Variants in GRID1 observed in about 807,000 individuals in gnomAD.
The protein encoded by GRID1 is glutamate ionotropic receptor delta type subunit 1.
Under a neutral mutation model 98.0 loss-of-function variants are expected in GRID1, and 28 were observed. The ratio of observed to expected loss-of-function variants is 0.29; its 90% CI spans 0.21 to 0.39. The LOEUF (loss-of-function observed/expected upper bound fraction) is 0.39. Ranked by LOEUF, GRID1 falls within the 10% of genes least tolerant of loss-of-function variation. GRID1 has a pLI of 1.00. For synonymous variants in GRID1, 553 were observed against 538.5 expected, an observed-to-expected ratio of 1.03 and a Z score of -0.37; for missense variants, 1,111 against 1,340.5, an observed-to-expected ratio of 0.83 and a Z score of 2.67.
intron 15 of GRID1, chr10:85,605,376 C>T (rs185877862): frequency 2.0e-5 from 3 of 152,168 alleles, no homozygotes; most frequent in Non-Finnish European, 4.4e-5. Flanking sequence ...AATAAGATAA[C>T]CTTCTCTCTT....
rs531222159 is a variant in GRID1, at chr10:85,815,651, T to C, written c.1233+38845A>G. On this transcript the variant is annotated intron_variant, in intron 8 of 15. Transcript: ENST00000327946. ...ATAAAACATAAAGAGAAAAATCTTC[T>C]TGAACTTAGGTTTCTAGAAGGTTTA... Among the ~76,000 whole-genome samples the C allele has an allele frequency of 2.6e-5, 4 of 152,124 alleles. No homozygotes were observed. In the South Asian group the frequency reaches 6.2e-4, roughly 24 times the overall value.
At chr10:85,613,090 A>C (rs1842751581) in intron 15 of GRID1, 1 of 351,334 alleles carries the variant, frequency 2.8e-6, no homozygotes, top group African/African-American at 2.1e-5. Flanking sequence ...GGGTGGAGGC[A>C]CATGGGCGGG....
chr10:85,747,074 G>A (rs1842004309), intron 8 of GRID1, among the ~76,000 whole-genome samples: 1 of 152,126 alleles, frequency 6.6e-6, no homozygotes. Context: ...CACTTTGTGA[G>A]TTAAACAGAA....
chr10:86,213,498 C>T (rs564419881), intron 2 of GRID1, among the ~76,000 whole-genome samples: 2 of 152,228 alleles, frequency 1.3e-5, no homozygotes, highest in East Asian at 1.9e-4. Context: ...AGCTCCACAC[C>T]TCCCTGTCTG....
intron 13 of GRID1, among the ~76,000 whole-genome samples, chr10:85,622,638 C>A (rs996171688): frequency 5.9e-5 from 9 of 152,254 alleles, no homozygotes; most frequent in Middle Eastern, 3.4e-3. Flanking sequence ...GGGTGCTATC[C>A]CACATTTTGT....
intron 14 of GRID1, among the ~76,000 whole-genome samples, chr10:85,618,260 C>T (rs1257009885): frequency 1.3e-5 from 2 of 152,092 alleles, no homozygotes; most frequent in East Asian, 3.9e-4. Context: ...CTTCCATGAG[C>T]GCTGCCTTGG....
chr10:85,631,871 A>G (rs1564682972), intron 13 of GRID1, among the ~76,000 whole-genome samples: 1 of 152,204 alleles, frequency 6.6e-6, no homozygotes, highest in African/African-American at 2.4e-5. Flanking sequence ...GAAACAACTT[A>G]AGAATACATG....
At chr10:85,969,377 G>A (rs919166501) in intron 4 of GRID1, among the ~76,000 whole-genome samples, 3 of 152,072 alleles carry the variant, frequency 2.0e-5, no homozygotes, top group Non-Finnish European at 4.4e-5. Flanking sequence ...CATTCAACAA[G>A]AGGAGAATTC....
chr10:85,735,078 C>T (rs1283442685), intron 8 of GRID1, among the ~76,000 whole-genome samples: 1 of 152,172 alleles, frequency 6.6e-6, no homozygotes, highest in Admixed American at 6.5e-5. Context: ...GAAGTCCCAA[C>T]ACTTAGTCAT....
intron 4 of GRID1, among the ~76,000 whole-genome samples, chr10:85,967,480 G>T (rs1842352155): frequency 6.6e-6 from 1 of 152,160 alleles, no homozygotes; most frequent in Admixed American, 6.5e-5. Context: ...AGGAAAAAAT[G>T]CATTCAATAT....
At chr10:85,981,533 T>A (rs1842544591) in intron 4 of GRID1, among the ~76,000 whole-genome samples, 1 of 152,180 alleles carries the variant, frequency 6.6e-6, no homozygotes, top group South Asian at 2.1e-4. Context: ...CAAATGTACA[T>A]CAATGTTCAT....
chr10:85,752,825 G>A (rs1842060383), intron 8 of GRID1, among the ~76,000 whole-genome samples: 1 of 152,080 alleles, frequency 6.6e-6, no homozygotes, highest in African/African-American at 2.4e-5. Flanking sequence ...TTACTAAAAG[G>A]TAACTTTTAA....
chr10:85,705,491 A>C (rs1183585225), intron 12 of GRID1, among the ~76,000 whole-genome samples: 1 of 152,216 alleles, frequency 6.6e-6, no homozygotes, highest in African/African-American at 2.4e-5. Context: ...AAAAAAGTCC[A>C]GGACCAGATG....
At chr10:85,824,459 G>T (rs546714488) in intron 8 of GRID1, among the ~76,000 whole-genome samples, 1 of 152,180 alleles carries the variant, frequency 6.6e-6, no homozygotes, top group African/African-American at 2.4e-5. Flanking sequence ...TGATCTGCCC[G>T]CCTTGGCCTC....
intron 8 of GRID1, among the ~76,000 whole-genome samples, chr10:85,813,673 G>T (rs1025875131): frequency 6.6e-6 from 1 of 151,706 alleles, no homozygotes; most frequent in Admixed American, 6.6e-5. Context: ...ATACCAGAGG[G>T]AAACTTGCAT....
intron 2 of GRID1, among the ~76,000 whole-genome samples, chr10:86,241,399 C>T (rs1401866166): frequency 6.6e-6 from 1 of 152,174 alleles, no homozygotes; most frequent in East Asian, 1.9e-4. Context: ...AGTGAGGCAT[C>T]TTTACAGGGG....
intron 12 of GRID1, among the ~76,000 whole-genome samples, chr10:85,675,634 C>T (rs1224639248): frequency 6.6e-6 from 1 of 152,216 alleles, no homozygotes; most frequent in Non-Finnish European, 1.5e-5. Flanking sequence ...CCATCTTTAT[C>T]TCTCTCAAAC....
At chr10:85,683,382 T>G (rs1235448428) in intron 12 of GRID1, among the ~76,000 whole-genome samples, 5 of 152,196 alleles carry the variant, frequency 3.3e-5, no homozygotes, top group African/African-American at 1.2e-4. Context: ...AGTGGAAATT[T>G]TTAAAATAGT....
chr10:85,982,222 T>C, intron 4 of GRID1, among the ~76,000 whole-genome samples: 1 of 151,484 alleles, frequency 6.6e-6, no homozygotes, highest in Admixed American at 6.6e-5. Flanking sequence ...GGGTAAACTA[T>C]GTGAGATGAT....
Sources: allele counts gnomAD v4.1 joint callset (sites outside exome capture counted in the v4.1 genomes callset), GRCh38; gene constraint gnomAD v4.1.1; transcripts MANE v1.5; gene names NCBI Gene and HGNC (gene_info 2026-07-23, HGNC 2026-07-21).